The following ANP32E variants were observed in gnomAD, a reference collection of about 807,000 sequenced individuals.
ANP32E encodes the protein acidic leucine-rich nuclear phosphoprotein 32 family member E.
In ANP32E, 14 loss-of-function variants were observed where a neutral mutation model predicts 35.3. The observed-to-expected ratio is 0.40, with a 90% CI of 0.26 to 0.62. The LOEUF is 0.62. Ranked by LOEUF, ANP32E falls within the 20% of genes least tolerant of loss-of-function variation. The pLI, the probability that ANP32E is intolerant of heterozygous loss-of-function variation, is 0.45. For missense variants in ANP32E, 198 were observed against 304.4 expected, an observed-to-expected ratio of 0.65 and a Z score of 2.60; for synonymous variants, 89 against 110.4, an observed-to-expected ratio of 0.81 and a Z score of 1.22.
chr1:150,234,634 C>G lies in ANP32E; in HGVS notation c.54+1099G>C, dbSNP rs375719965. ...TGATGCTTTCCTCTGCGAGGCTCCC[C>G]GCTGGCCACCAGCCCTGCTCTCGCG... On this transcript the variant is annotated intron_variant, in intron 1 of 6. Coordinates refer to ENST00000583931, the MANE Select transcript of ANP32E (RefSeq NM_030920.5). 1.6e-4 allele frequency: 156 copies of G among 985,614 alleles called. 4 individuals carry two copies. In the African/African-American group the frequency reaches 1.7e-3, roughly 10 times the overall value. 61.1% of individuals were successfully genotyped at this position (985,614 alleles called of 1,614,324 possible). A position where few individuals can be genotyped will look rare whatever the true frequency, so the allele number is the denominator to read the frequency against.
At chr1:150,230,028 T>A (rs2101785904) in intron 3 of ANP32E, among the ~76,000 whole-genome samples, 1 of 152,350 alleles carries the variant, frequency 6.6e-6, no homozygotes, top group Middle Eastern at 3.4e-3. Flanking sequence ...CCAGCTCACC[T>A]GGCTAATTTT....
In ANP32E at chr1:150,219,135, T is replaced by G. The variant is rs587749829; in HGVS notation, c.*1556A>C. ...GCAGTAGCAGCAGTACTATACTCAG[T>G]ATTTAAATATGTCCCAGTATAGAAG... On this transcript the variant is annotated 3_prime_UTR_variant, in exon 7 of 7. Coordinates refer to ENST00000583931, the MANE Select transcript of ANP32E (RefSeq NM_030920.5). 1 of 152,308 alleles carries G rather than the reference T, an allele frequency of 6.6e-6. No individual in the cohort carries two copies. The highest frequency in any genetic ancestry group is 1.5e-5 in the Non-Finnish European group (1 of 68,016). The allele number at this position is 152,308 out of a possible 1,614,324, so 9.4% of individuals were successfully genotyped here.
At chr1:150,228,969 TG>T in intron 4 of ANP32E, 102 bp downstream of exon 4, 1 of 997,232 alleles carries the variant, frequency 1.0e-6, no homozygotes, top group Non-Finnish European at 1.5e-6. Context: ...TATCTTGTTG[TG>T]GATTTTTTTT....
intron 2 of ANP32E, 146 bp downstream of exon 2, chr1:150,231,631 T>C (rs1236136551): frequency 5.4e-6 from 2 of 370,502 alleles, no homozygotes; most frequent in East Asian, 9.0e-5. Flanking sequence ...TTAGAGCTTA[T>C]TCTCAAAATC....
Position 150,230,576 on chromosome 1 carries a change from C to G in ANP32E, c.322G>C (p.Ala108Pro), listed in dbSNP as rs781789869. Reference sequence around the variant, plus strand: ...GACAAAACTGTTCCACTTACCAGAGCTTCTACTGTACTGAGATCTTTTATT... The same window carrying G: ...GACAAAACTGTTCCACTTACCAGAGGTTCTACTGTACTGAGATCTTTTATT... Reference protein sequence around the residue: ...NKIKDLSTVEALQNLKNLKSL... With the variant: ...NKIKDLSTVEPLQNLKNLKSL... The change falls in exon 3 of 7, where the codon GCT (alanine) becomes CCT (proline). Residue 108 changes from alanine to proline, a missense_variant. This residue lies in a region of ANP32E where 31 missense variants were observed against 62.6 expected (regional missense o/e 0.50). Coordinates refer to ENST00000583931, the MANE Select transcript of ANP32E (RefSeq NM_030920.5). 1.2e-6 allele frequency: 2 copies of G among 1,605,968 alleles called. No homozygotes were observed. Among genetic ancestry groups the G allele is most frequent in the Non-Finnish European group, 1.7e-6 (2 of 1,176,622 alleles).
intron 6 of ANP32E, among the ~76,000 whole-genome samples, chr1:150,222,080 G>T (rs1436006377): frequency 6.7e-6 from 1 of 149,132 alleles, no homozygotes; most frequent in African/African-American, 2.5e-5. Flanking sequence ...CAGAGACCCT[G>T]TCTCAAAACA....
chr1:150,230,306 G>T (rs1649253296), intron 3 of ANP32E, among the ~76,000 whole-genome samples: 2 of 150,742 alleles, frequency 1.3e-5, no homozygotes, highest in South Asian at 2.1e-4. Flanking sequence ...CAAAGAAAAA[G>T]AATGAAAGAA....
In ANP32E at chr1:150,218,922, C is replaced by A. The variant is rs1229216596; in HGVS notation, c.*1769G>T. ...AGTATGTAATGAGAATTGTTAGGAACTAGAACAGGGAATTTCAGTTTTTAA... is the reference window on the plus strand; with the variant it reads ...AGTATGTAATGAGAATTGTTAGGAAATAGAACAGGGAATTTCAGTTTTTAA... On this transcript the variant is annotated 3_prime_UTR_variant, in exon 7 of 7. Transcript: ENST00000583931. The A allele has an allele frequency of 3.9e-5, 6 of 152,458 alleles. No individual in the cohort carries two copies. Among genetic ancestry groups the A allele is most frequent in the Admixed American group, 2.6e-4 (4 of 15,244 alleles). The allele number at this position is 152,458 out of a possible 1,614,324, so 9.4% of individuals were successfully genotyped here.
In ANP32E at chr1:150,235,860, T is replaced by G; in HGVS notation, c.-74A>C. 9.4e-7 allele frequency: 1 copy of G among 1,065,260 alleles called. No individual in the cohort carries two copies. The highest frequency in any genetic ancestry group is 1.4e-6 in the Non-Finnish European group (1 of 706,944). The allele number at this position is 1,065,260 out of a possible 1,614,324, so 66.0% of individuals were successfully genotyped here. A position where few individuals can be genotyped will look rare whatever the true frequency, so the allele number is the denominator to read the frequency against. On this transcript the variant is annotated 5_prime_UTR_variant, in exon 1 of 7. Coordinates refer to ENST00000583931, the MANE Select transcript of ANP32E (RefSeq NM_030920.5). The surrounding 1 kb of genome is among the most constrained non-coding windows in gnomAD (Gnocchi z 4.2). ...TTCCCCAATACCCCCAACCCAAAAT[T>G]TTTAAGAGATTTAGAAATGAATGAA...
intron 5 of ANP32E, among the ~76,000 whole-genome samples, chr1:150,223,831 C>G (rs60033047): frequency 0.043 from 6,486 of 151,166 alleles, 428 homozygotes; most frequent in African/African-American, 0.15. Context: ...CCGCAAACTC[C>G]GCCTCCCGGG....
chr1:150,228,315 C>T (rs1649048720), intron 4 of ANP32E, among the ~76,000 whole-genome samples: 1 of 152,170 alleles, frequency 6.6e-6, no homozygotes, highest in South Asian at 2.1e-4. Context: ...TTTCAAGGTT[C>T]ATTCATGTGG....
Position 150,229,565 on chromosome 1 carries a change from G to A in ANP32E, c.328-328C>T, listed in dbSNP as rs61296808. Among the ~76,000 whole-genome samples the A allele has an allele frequency of 8.0e-3, 1,217 of 152,158 alleles. 13 individuals are homozygous for A. Among genetic ancestry groups the A allele is most frequent in the African/African-American group, 0.028 (1,144 of 41,508 alleles). ...CATGATCTCAGCTCACCACACCTCC[G>A]CCTCCCGGGTTCAAGCGATTCTCCT... On this transcript the variant is annotated intron_variant, in intron 3 of 6. Transcript: ENST00000583931.
intron 1 of ANP32E, among the ~76,000 whole-genome samples, chr1:150,234,192 A>G (rs11205346): frequency 1.6e-3 from 239 of 151,988 alleles, no homozygotes; most frequent in African/African-American, 5.2e-3. Flanking sequence ...AAGTGAAAGA[A>G]TCCTGGCGGG....
chr1:150,231,403 T>C (rs1244650722), intron 2 of ANP32E, among the ~76,000 whole-genome samples: 2 of 152,136 alleles, frequency 1.3e-5, no homozygotes, highest in East Asian at 1.9e-4. Flanking sequence ...GAAACCAGTC[T>C]GGACAACATG....
At chr1:150,229,789 T>C (rs1553841224) in intron 3 of ANP32E, among the ~76,000 whole-genome samples, 1 of 152,226 alleles carries the variant, frequency 6.6e-6, no homozygotes, top group Non-Finnish European at 1.5e-5. Context: ...AATTTTTGTA[T>C]TTTTAGTAGA....
Position 150,223,198 on chromosome 1 carries a change from C to T in ANP32E, c.724G>A (p.Glu242Lys). The T allele has an allele frequency of 6.6e-7, 1 of 1,520,870 alleles. No individual in the cohort carries two copies. Among genetic ancestry groups the T allele is most frequent in the South Asian group, 1.2e-5 (1 of 83,614 alleles). 94.2% of individuals were successfully genotyped at this position (1,520,870 alleles called of 1,614,324 possible). ...TAATGTAACTCACCCTCTTCTTCCT[C>T]TTCTTCCCCTTCTTCAACATAGTCA... is the stretch of plus-strand genomic sequence containing the variant. The part of the protein sequence containing the change: ...DDDYVEEGEE[E>K]EEEEEGGLRG... The change falls in exon 6 of 7, where the codon GAG becomes AAG. Residue 242 changes from glutamate to lysine, a missense_variant. Glu to Lys is a moderately conservative substitution (Grantham distance 56, BLOSUM62 1). This residue lies in a region of ANP32E where 121 missense variants were observed against 137.3 expected (regional missense o/e 0.88). Coordinates refer to ENST00000583931, the MANE Select transcript of ANP32E (RefSeq NM_030920.5).
chr1:150,220,813 T>C lies in ANP32E; in HGVS notation c.737-52A>G, dbSNP rs782098265. On this transcript the variant is annotated intron_variant, in intron 6 of 6. Transcript: ENST00000583931. ...AGTGCTTAATTTTAACAAATGAGGA[T>C]TGGTTACATTTTTGAATCTTAGTGA... 8 of 1,509,140 alleles carry C rather than the reference T, an allele frequency of 5.3e-6. No homozygotes were observed. In the Admixed American group the frequency reaches 1.2e-4, roughly 22 times the overall value. 93.5% of individuals were successfully genotyped at this position (1,509,140 alleles called of 1,614,324 possible). A position where few individuals can be genotyped will look rare whatever the true frequency, so the allele number is the denominator to read the frequency against.
rs1278951483 is a variant in ANP32E at position 150,219,102 on chromosome 1, T to C, written c.*1589A>G. On this transcript the variant is annotated 3_prime_UTR_variant, in exon 7 of 7. Transcript: ENST00000583931. ...AAAACACCAAGTCATACATTTTACA[T>C]TGTAGAAGCAGTAGCAGCAGTACTA... 2 of 152,236 alleles carry C rather than the reference T, an allele frequency of 1.3e-5. No individual in the cohort carries two copies. The highest frequency in any genetic ancestry group is 6.5e-5 in the Admixed American group (1 of 15,288). 9.4% of individuals were successfully genotyped at this position (152,236 alleles called of 1,614,324 possible).
At chr1:150,228,260 A>G (rs1243986885) in intron 4 of ANP32E, among the ~76,000 whole-genome samples, 2 of 152,092 alleles carry the variant, frequency 1.3e-5, no homozygotes, top group Non-Finnish European at 2.9e-5. Flanking sequence ...GAAGTCAAAC[A>G]ACACATGGTC....
Sources: gnomAD v4.1 joint callset for allele counts (sites outside exome capture counted in the v4.1 genomes callset) on GRCh38, gnomAD v4.1.1 for gene constraint, gnomAD v4.1.1 regional missense constraint, Gnocchi (gnomAD v3.1) non-coding constraint, MANE v1.5 for transcripts, NCBI Gene and HGNC (gene_info 2026-07-23, HGNC 2026-07-21) for gene names.